Variants in ANO2 observed in about 807,000 individuals in gnomAD.
The protein encoded by ANO2 is anoctamin-2.
In ANO2, 101 loss-of-function variants were observed where a neutral mutation model predicts 124.2. The ratio of observed to expected loss-of-function variants is 0.81; its 90% CI spans 0.69 to 0.96. ANO2 has a LOEUF of 0.96. ANO2 is among the 40% of genes least tolerant of loss of function. The pLI is 0.00. For missense variants in ANO2, 1,293 were observed against 1,274.5 expected, an observed-to-expected ratio of 1.01 and a Z score of -0.22; for synonymous variants, 486 against 482.5, an observed-to-expected ratio of 1.01 and a Z score of -0.09.
intron 10 of ANO2, among the ~76,000 whole-genome samples, chr12:5,798,066 TA>T (rs972293853): frequency 1.3e-5 from 2 of 151,362 alleles, no homozygotes; most frequent in Admixed American, 6.6e-5. Context: ...TAATCGTACT[TA>T]AAAAAAACAA....
intron 10 of ANO2, among the ~76,000 whole-genome samples, chr12:5,759,760 C>T (rs1190700818): frequency 6.6e-6 from 1 of 151,546 alleles, no homozygotes; most frequent in Non-Finnish European, 1.5e-5. Flanking sequence ...TTGCGGACTG[C>T]TGCCTTAAAG....
chr12:5,788,408 A>G (rs1173734576), intron 10 of ANO2, among the ~76,000 whole-genome samples: 1 of 152,248 alleles, frequency 6.6e-6, no homozygotes, highest in South Asian at 2.1e-4. Flanking sequence ...AAGTGTCCCC[A>G]GTAGGATGAT....
intron 15 of ANO2, among the ~76,000 whole-genome samples, chr12:5,640,662 A>AT (rs1946309782): frequency 6.6e-6 from 1 of 152,260 alleles, no homozygotes; most frequent in Non-Finnish European, 1.5e-5. Flanking sequence ...ATGCAAATCA[A>AT]AACCACAATG....
intron 1 of ANO2, among the ~76,000 whole-genome samples, chr12:5,936,117 T>C (rs1452572355): frequency 1.3e-5 from 2 of 152,360 alleles, no homozygotes; most frequent in Admixed American, 6.5e-5. Flanking sequence ...ATAAGAGTTA[T>C]TTCTATATTC....
chr12:5,639,255 G>T (rs1211991250), intron 15 of ANO2, among the ~76,000 whole-genome samples: 1 of 152,124 alleles, frequency 6.6e-6, no homozygotes, highest in Non-Finnish European at 1.5e-5. Flanking sequence ...AAAAATACAG[G>T]CACGCGCACA....
rs1951993499 is a variant in ANO2 at position 5,769,133 on chromosome 12, G to A, written c.1056-18163C>T. 6.6e-6 allele frequency among the ~76,000 whole-genome samples: 1 copy of A among 152,130 alleles called. No homozygotes were observed. Among genetic ancestry groups the A allele is most frequent in the Admixed American group, 6.5e-5 (1 of 15,268 alleles). ...GAAAACACACCATTTGCAAGGAGAG[G>A]ACCCTAGATTTACGACACTCTCCTG... On this transcript the variant is annotated intron_variant, in intron 10 of 24. Transcript: ENST00000682330. This position sits in a 1 kb window ranked among gnomAD's most constrained non-coding sequence, Gnocchi z 4.0.
At chr12:5,795,048 A>AC (rs201926981) in intron 10 of ANO2, among the ~76,000 whole-genome samples, 3,118 of 152,262 alleles carry the variant, frequency 0.02, 48 homozygotes, top group Middle Eastern at 0.071. Context: ...AGGAGGGTGG[A>AC]AGCAGAGCCC....
At chr12:5,616,309 C>A (rs1944804926) in intron 16 of ANO2, among the ~76,000 whole-genome samples, 1 of 152,176 alleles carries the variant, frequency 6.6e-6, no homozygotes, top group Admixed American at 6.5e-5. Flanking sequence ...ATAGACAGCA[C>A]CTTCTCACTG....
At chr12:5,607,141 A>G (rs1944261453) in intron 19 of ANO2, among the ~76,000 whole-genome samples, 1 of 151,926 alleles carries the variant, frequency 6.6e-6, no homozygotes, top group African/African-American at 2.4e-5. Context: ...TAGGCTCTGA[A>G]GGTACATAAG....
chr12:5,717,843 A>T (rs996714246), intron 14 of ANO2, among the ~76,000 whole-genome samples: 2 of 152,196 alleles, frequency 1.3e-5, no homozygotes, highest in Non-Finnish European at 2.9e-5. Flanking sequence ...AGCCAACTCT[A>T]AAGAAGTAAC....
chr12:5,749,917 G>A (rs2137090764), intron 11 of ANO2, among the ~76,000 whole-genome samples: 1 of 151,788 alleles, frequency 6.6e-6, no homozygotes, highest in Admixed American at 6.6e-5. Flanking sequence ...CAGTCTAAGT[G>A]CTTCTTTCCT....
At chr12:5,710,176 G>C (rs1949760139) in intron 14 of ANO2, among the ~76,000 whole-genome samples, 1 of 152,244 alleles carries the variant, frequency 6.6e-6, no homozygotes, top group Non-Finnish European at 1.5e-5. Context: ...CTTCCAGAAA[G>C]CTGGGCCAAT....
At chr12:5,798,481 G>A (rs1343470703) in intron 10 of ANO2, among the ~76,000 whole-genome samples, 1 of 152,076 alleles carries the variant, frequency 6.6e-6, no homozygotes, top group African/African-American at 2.4e-5. Context: ...GATTCTCCTG[G>A]CCGCTGCCCC....
intron 16 of ANO2, among the ~76,000 whole-genome samples, chr12:5,633,551 T>G (rs1945841943): frequency 6.6e-6 from 1 of 151,692 alleles, no homozygotes. Context: ...GTCCTCAGCC[T>G]GGCATTTTAG....
rs58721257 is a variant in ANO2, at chr12:5,862,164, C to G, written c.535-8023G>C. On this transcript the variant is annotated intron_variant, in intron 3 of 24. Transcript: ENST00000682330. The surrounding 1 kb of genome is among the most constrained non-coding windows in gnomAD (Gnocchi z 4.0). ...AGGGAAGGAAAGGTGGAAATCTGCT[C>G]TGCTGGGAGCTCCTGGATGAGAGTA... 0.017 allele frequency among the ~76,000 whole-genome samples: 2,634 copies of G among 152,246 alleles called. 68 individuals are homozygous for G. Among genetic ancestry groups the G allele is most frequent in the African/African-American group, 0.056 (2,330 of 41,522 alleles).
chr12:5,783,578 C>A (rs1159747813), intron 10 of ANO2, among the ~76,000 whole-genome samples: 1 of 152,206 alleles, frequency 6.6e-6, no homozygotes, highest in African/African-American at 2.4e-5. Flanking sequence ...TATAAACATT[C>A]CCATGAATAC....
rs113767473 is a variant in ANO2 at position 5,581,486 on chromosome 12, C to T, written c.2234-2968G>A. ...AAAATGGGACTCTCCACTTCCTCTT[C>T]TCTCTTCATTTGAACTCCAGAGGCA... On this transcript the variant is annotated intron_variant, in intron 20 of 24. Transcript: ENST00000682330. Among the ~76,000 whole-genome samples the T allele has an allele frequency of 5.0e-3, 761 of 152,300 alleles. 4 individuals carry two copies. Among genetic ancestry groups the T allele is most frequent in the Middle Eastern group, 0.01 (3 of 294 alleles).
At chr12:5,711,157 C>CAA (rs200477878) in intron 14 of ANO2, among the ~76,000 whole-genome samples, 43 of 92,812 alleles carry the variant, frequency 4.6e-4, no homozygotes, top group East Asian at 1.1e-3. Context: ...GACTCTGTCT[C>CAA]AAAAAAAAAA....
chr12:5,782,609 G>A (rs563971977), intron 10 of ANO2, among the ~76,000 whole-genome samples: 2 of 152,098 alleles, frequency 1.3e-5, no homozygotes, highest in African/African-American at 2.4e-5. Flanking sequence ...TGGCAGAAAA[G>A]GTAGTCCTGC....
Sources: gnomAD v4.1 joint callset for allele counts (sites outside exome capture counted in the v4.1 genomes callset) on GRCh38, gnomAD v4.1.1 for gene constraint, Gnocchi (gnomAD v3.1) non-coding constraint, MANE v1.5 for transcripts, NCBI Gene and HGNC (gene_info 2026-07-23, HGNC 2026-07-21) for gene names.